Variants in PDE4D observed in about 807,000 individuals in gnomAD.
The protein encoded by PDE4D is phosphodiesterase 4D.
A neutral mutation model predicts 87.4 loss-of-function variants in PDE4D; 24 were observed. The observed-to-expected ratio is 0.27, with a 90% CI of 0.20 to 0.39. The LOEUF (loss-of-function observed/expected upper bound fraction) is 0.39, where lower values mean the gene tolerates loss of function less well. PDE4D is among the 10% of genes least tolerant of loss of function. PDE4D has a pLI of 1.00. For synonymous variants in PDE4D, 384 were observed against 383.2 expected, an observed-to-expected ratio of 1.00 and a Z score of -0.02; for missense variants, 714 against 1,041.0, an observed-to-expected ratio of 0.69 and a Z score of 4.32.
At chr5:60,405,373 C>A (rs1435962769) in intron 1 of PDE4D, among the ~76,000 whole-genome samples, 1 of 152,200 alleles carries the variant, frequency 6.6e-6, no homozygotes, top group African/African-American at 2.4e-5. Context: ...ACCAAGAATA[C>A]TTGCATTATA....
chr5:58,990,181 C>T (rs966725889), intron 9 of PDE4D, among the ~76,000 whole-genome samples: 1 of 152,170 alleles, frequency 6.6e-6, no homozygotes, highest in African/African-American at 2.4e-5. Context: ...GAGGTGCCAA[C>T]TCTAAAAGTT....
At chr5:59,107,021 G>A (rs1350990632) in intron 5 of PDE4D, among the ~76,000 whole-genome samples, 1 of 151,994 alleles carries the variant, frequency 6.6e-6, no homozygotes, top group Admixed American at 6.6e-5. Flanking sequence ...AAAAGTCATA[G>A]AAAACCAGTT....
intron 1 of PDE4D, among the ~76,000 whole-genome samples, chr5:59,816,878 A>G (rs1769034454): frequency 6.6e-6 from 1 of 152,194 alleles, no homozygotes. Context: ...CAGCATGCAC[A>G]CTTTAAAATG....
intron 1 of PDE4D, among the ~76,000 whole-genome samples, chr5:59,655,484 G>C (rs1744205272): frequency 6.6e-6 from 1 of 152,022 alleles, no homozygotes; most frequent in Admixed American, 6.6e-5. Flanking sequence ...ATAAAAATAT[G>C]CAATATTTTA....
intron 1 of PDE4D, among the ~76,000 whole-genome samples, chr5:60,221,708 T>C (rs988847771): frequency 2.6e-5 from 4 of 152,166 alleles, no homozygotes; most frequent in African/African-American, 4.8e-5. Context: ...AATAATATGG[T>C]ATATATTATC....
intron 1 of PDE4D, among the ~76,000 whole-genome samples, chr5:59,864,381 T>C (rs1746718162): frequency 6.6e-6 from 1 of 152,234 alleles, no homozygotes; most frequent in South Asian, 2.1e-4. Context: ...AACCTGCATG[T>C]AAAAGAGATT....
intron 1 of PDE4D, among the ~76,000 whole-genome samples, chr5:59,719,562 A>G (rs1755532931): frequency 6.6e-6 from 1 of 152,168 alleles, no homozygotes; most frequent in Non-Finnish European, 1.5e-5. Flanking sequence ...AGTACTCCTG[A>G]GCTGGTACTA....
intron 1 of PDE4D, among the ~76,000 whole-genome samples, chr5:60,375,558 C>T (rs1418929269): frequency 1.3e-5 from 2 of 152,086 alleles, no homozygotes; most frequent in Non-Finnish European, 2.9e-5. Context: ...ATTAGCTACC[C>T]AAAGTGACTA....
At chr5:59,205,799 G>A (rs190020408) in intron 2 of PDE4D, among the ~76,000 whole-genome samples, 10 of 152,090 alleles carry the variant, frequency 6.6e-5, no homozygotes. Context: ...ATGGAAATAT[G>A]AGATCTGCAT....
chr5:59,577,226 T>C (rs1232501486), intron 1 of PDE4D, among the ~76,000 whole-genome samples: 1 of 152,170 alleles, frequency 6.6e-6, no homozygotes, highest in Non-Finnish European at 1.5e-5. Flanking sequence ...ATACTGTGGA[T>C]ATCAGCATTA....
At chr5:58,982,613 G>A (rs546692450) in intron 11 of PDE4D, among the ~76,000 whole-genome samples, 1 of 152,330 alleles carries the variant, frequency 6.6e-6, no homozygotes, top group South Asian at 2.1e-4. Context: ...CCAGCCATCA[G>A]GTAGCTGGCT....
intron 1 of PDE4D, among the ~76,000 whole-genome samples, chr5:60,474,149 T>TATATATATATAA (rs1212803987): frequency 6.4e-5 from 6 of 94,408 alleles, no homozygotes; most frequent in South Asian, 6.7e-4. Flanking sequence ...TATATATATA[T>TATATATATATAA]AACAAAAACC....
chr5:60,268,013 T>G (rs1023745506), intron 1 of PDE4D, among the ~76,000 whole-genome samples: 3 of 152,012 alleles, frequency 2.0e-5, no homozygotes, highest in Non-Finnish European at 4.4e-5. Flanking sequence ...CAAAATCACT[T>G]AAAACCAGAG....
chr5:59,427,292 T>TACACACACAC (rs60646746), intron 1 of PDE4D, among the ~76,000 whole-genome samples: 1,675 of 132,330 alleles, frequency 0.013, 16 homozygotes, highest in South Asian at 0.017. Flanking sequence ...AGTGATTTTA[T>TACACACACAC]ACACACACAC....
chr5:59,205,623 G>T, intron 2 of PDE4D, among the ~76,000 whole-genome samples: 1 of 142,512 alleles, frequency 7.0e-6, no homozygotes, highest in Admixed American at 7.4e-5. Flanking sequence ...CAAGACTCTC[G>T]GTGCTGTCTA....
chr5:59,134,510 A>C (rs1776752346), intron 5 of PDE4D, among the ~76,000 whole-genome samples: 1 of 152,174 alleles, frequency 6.6e-6, no homozygotes, highest in African/African-American at 2.4e-5. Context: ...TTTGAATTTA[A>C]CTAAAACGTA....
intron 1 of PDE4D, among the ~76,000 whole-genome samples, chr5:59,458,387 A>T (rs759792190): frequency 6.6e-6 from 1 of 152,224 alleles, no homozygotes; most frequent in Non-Finnish European, 1.5e-5. Context: ...AGCTCTTGAC[A>T]TTAAGGAATT....
chr5:59,967,962 TG>T (rs1760238424), intron 3 of PDE4D, among the ~76,000 whole-genome samples: 1 of 145,120 alleles, frequency 6.9e-6, no homozygotes, highest in African/African-American at 2.5e-5. Context: ...TGAATGGAGC[TG>T]GGAGCCATAT....
chr5:60,252,895 A>C (rs1405794426), intron 1 of PDE4D, among the ~76,000 whole-genome samples: 1 of 151,858 alleles, frequency 6.6e-6, no homozygotes, highest in Non-Finnish European at 1.5e-5. Flanking sequence ...ATACACATAA[A>C]CTAGAGTGGA....
Sources: allele counts gnomAD v4.1 joint callset (sites outside exome capture counted in the v4.1 genomes callset), GRCh38; gene constraint gnomAD v4.1.1; transcripts MANE v1.5; gene names NCBI Gene and HGNC (gene_info 2026-07-23, HGNC 2026-07-21).